PWWP4: variants seen among roughly 807,000 people sequenced by gnomAD.
The protein encoded by PWWP4 is putative PWWP domain-containing DNA repair factor 4.
exon 1 of PWWP4, among the ~76,000 whole-genome samples, chrX:153,272,900 C>T (rs868989169): frequency 0.032 from 3,586 of 110,987 alleles, 125 homozygotes; most frequent in African/African-American, 0.11. Context: ...GCAGCGCGCA[C>T]GGCCTTTGTC....
At chrX:153,273,077 A>C (rs1313831189) in exon 1 of PWWP4, among the ~76,000 whole-genome samples, 5 of 87,572 alleles carry the variant, frequency 5.7e-5, no homozygotes, top group South Asian at 5.6e-4. Context: ...ATTGCACCTA[A>C]CCCAGGTGCC....
chrX:153,272,788 C>T (rs1449196752), exon 1 of PWWP4, among the ~76,000 whole-genome samples: 10 of 113,734 alleles, frequency 8.8e-5, no homozygotes, highest in African/African-American at 1.6e-4. Flanking sequence ...GTCACGGGCA[C>T]GCAGCGCCAT....
chrX:153,270,232 G>GAGGAGA (rs1189427779), upstream of PWWP4, among the ~76,000 whole-genome samples: 1 of 104,991 alleles, frequency 9.5e-6, no homozygotes, highest in African/African-American at 3.6e-5. Flanking sequence ...GAGAGAGAGA[G>GAGGAGA]GAGAGAGAGA....
upstream of PWWP4, among the ~76,000 whole-genome samples, chrX:153,271,571 G>T (rs1293826381): frequency 1.9e-5 from 2 of 107,923 alleles, no homozygotes; most frequent in Non-Finnish European, 3.8e-5. Flanking sequence ...AGAGGGTGTG[G>T]CAGGCAGACC....
At chrX:153,271,845 C>T (rs2051807695) in exon 1 of PWWP4, among the ~76,000 whole-genome samples, 1 of 63,799 alleles carries the variant, frequency 1.6e-5, no homozygotes, top group Non-Finnish European at 2.7e-5. Context: ...AGACGAAGCT[C>T]GGTGCCCCAC....
At chrX:153,271,478 C>T (rs1380040980), upstream of PWWP4, among the ~76,000 whole-genome samples, 3 of 108,495 alleles carry the variant, frequency 2.8e-5, no homozygotes, top group African/African-American at 1.1e-4. Context: ...GGAACACAGC[C>T]CACCCACACT....
chrX:153,269,883 C>T (rs1229273072), upstream of PWWP4, among the ~76,000 whole-genome samples: 2 of 112,744 alleles, frequency 1.8e-5, no homozygotes, highest in African/African-American at 6.4e-5. Context: ...GGTAGGAACA[C>T]GGGCATTCAC....
chrX:153,266,497 G>GTT, the PWWP4 span, among the ~76,000 whole-genome samples: 1 of 104,617 alleles, frequency 9.6e-6, no homozygotes, highest in African/African-American at 3.6e-5. Flanking sequence ...ATGTGTGTGT[G>GTT]TGAGGATGTG....
upstream of PWWP4, among the ~76,000 whole-genome samples, chrX:153,270,176 TTCTC>T (rs1184739253): frequency 3.4e-3 from 350 of 102,124 alleles, no homozygotes; most frequent in African/African-American, 4.7e-3. Flanking sequence ...CACATTTCAT[TTCTC>T]TCTCTCTCTC....
exon 1 of PWWP4, among the ~76,000 whole-genome samples, chrX:153,271,824 T>C (rs1201863354): frequency 1.5e-5 from 1 of 68,410 alleles, no homozygotes; most frequent in African/African-American, 6.5e-5. Context: ...TTGCCGCCTC[T>C]GCAGCAGCAC....
In PWWP4 at chrX:153,275,717, AG is replaced by A. The variant is rs2051824358; in HGVS notation, c.4102del (p.Val1368CysfsTer81). On this transcript the variant is annotated frameshift_variant, in exon 1 of 1. Coordinates refer to ENST00000458091, the Ensembl canonical transcript of PWWP4. LOFTEE classifies it high-confidence loss of function. Reference sequence around the variant, plus strand: ...GGAGCCCTGCATGGTGACAGCTCCCAGGTGCACACGACCATTGCTCCAACTC... The same window carrying A: ...GGAGCCCTGCATGGTGACAGCTCCCAGTGCACACGACCATTGCTCCAACTC... Among the ~76,000 whole-genome samples, 48 of 88,482 alleles carry A rather than the reference AG, an allele frequency of 5.4e-4. No individual in the cohort carries two copies. The highest frequency in any genetic ancestry group is 2.2e-3 in the African/African-American group (43 of 19,675). The allele number at this position is 88,482 out of a possible 115,157, so 76.8% of individuals were successfully genotyped here.
upstream of PWWP4, among the ~76,000 whole-genome samples, chrX:153,269,187 G>C (rs1266412057): frequency 1.9e-5 from 1 of 53,472 alleles, no homozygotes; most frequent in Non-Finnish European, 3.4e-5. Flanking sequence ...GTGTGTGTGT[G>C]TGTGTGTGGA....
chrX:153,276,107 C>G (rs1467509998), exon 1 of PWWP4, among the ~76,000 whole-genome samples: 1 of 102,349 alleles, frequency 9.8e-6, no homozygotes, highest in Non-Finnish European at 2.0e-5. Context: ...AAACGCGAAG[C>G]CATTTCTCAG....
chrX:153,269,978 G>A (rs1187515595), upstream of PWWP4, among the ~76,000 whole-genome samples: 9 of 110,748 alleles, frequency 8.1e-5, no homozygotes, highest in African/African-American at 1.6e-4. Context: ...TTGGCGCATC[G>A]GCAATGCCTT....
upstream of PWWP4, among the ~76,000 whole-genome samples, chrX:153,266,710 G>T (rs1178568564): frequency 3.7e-5 from 3 of 81,601 alleles, no homozygotes; most frequent in Admixed American, 1.6e-4. Flanking sequence ...AATGTCGCAG[G>T]TCTCCTTCAG....
exon 1 of PWWP4, among the ~76,000 whole-genome samples, chrX:153,275,377 G>T (rs2051822644): frequency 1.9e-5 from 1 of 52,026 alleles, no homozygotes. Context: ...TCCTACTCCA[G>T]GTGCCCCGCG....
the PWWP4 span, among the ~76,000 whole-genome samples, chrX:153,266,330 CGTGTGTGGGT>C: frequency 2.0e-5 from 2 of 100,212 alleles, no homozygotes; most frequent in Non-Finnish European, 4.0e-5. Flanking sequence ...ACGGTGTGTG[CGTGTGTGGGT>C]GTGTGTGTGA....
upstream of PWWP4, among the ~76,000 whole-genome samples, chrX:153,271,239 C>T: frequency 8.8e-6 from 1 of 113,823 alleles, no homozygotes. Context: ...AATAAAGCTT[C>T]TGTGGACCTT....
rs1412622598 is a variant in PWWP4, at chrX:153,272,750, G to A, written c.1133G>A (p.Arg378His). ...TCAGCAGCACGCACGGCCGTTGTCCGTACTCCAGGTGCCCTTGGCAGGGAC... is the reference window on the plus strand; with the variant it reads ...TCAGCAGCACGCACGGCCGTTGTCCATACTCCAGGTGCCCTTGGCAGGGAC... The change falls in exon 1 of 1, where the codon CGT (arginine) becomes CAT (histidine). Residue 378 changes from arginine (R) to histidine (H), a missense_variant. Transcript: ENST00000458091. Among the ~76,000 whole-genome samples, 397 of 109,397 alleles carry A rather than the reference G, an allele frequency of 3.6e-3. 6 individuals carry two copies. Among genetic ancestry groups the A allele is most frequent in the African/African-American group, 0.012 (365 of 29,256 alleles). 95.0% of individuals were successfully genotyped at this position (109,397 alleles called of 115,157 possible).
Sources: allele counts gnomAD v4.1 joint callset (sites outside exome capture counted in the v4.1 genomes callset), GRCh38; gene constraint gnomAD v4.1.1; transcripts MANE v1.5; gene names NCBI Gene and HGNC (gene_info 2026-07-23, HGNC 2026-07-21).